DENND1A: variants seen among roughly 807,000 people sequenced by gnomAD.
DENND1A encodes the protein DENN domain-containing protein 1A.
DENND1A carries 51 observed loss-of-function variants against 113.7 expected under a neutral mutation model. The ratio of observed to expected loss-of-function variants is 0.45; its 90% CI spans 0.36 to 0.57. The LOEUF (loss-of-function observed/expected upper bound fraction) is 0.57. Ranked by LOEUF, DENND1A falls within the 20% of genes least tolerant of loss-of-function variation. The pLI, the probability that DENND1A is intolerant of heterozygous loss-of-function variation, is 0.00. For synonymous variants in DENND1A, 565 were observed against 570.8 expected (o/e 0.99, Z 0.14); for missense variants, 1,258 against 1,395.9 (o/e 0.90, Z 1.57).
intron 19 of DENND1A, among the ~76,000 whole-genome samples, chr9:123,436,648 C>T (rs1588519378): frequency 6.6e-6 from 1 of 152,330 alleles, no homozygotes; most frequent in East Asian, 1.9e-4. Flanking sequence ...GAGGCAGAGG[C>T]TAACTAGAAA....
At chr9:123,616,792 C>A (rs1426027234) in intron 10 of DENND1A, among the ~76,000 whole-genome samples, 1 of 152,196 alleles carries the variant, frequency 6.6e-6, no homozygotes, top group Non-Finnish European at 1.5e-5. Flanking sequence ...TTTCCACAGG[C>A]CGGTTAGTCA....
At position 123,563,802 on chromosome 9, in the gene DENND1A, C is replaced by T. The variant is rs138249397; in HGVS notation, c.868-6107G>A. ...TTTAAGGCCTGTTATGGGCTTGGCT[C>T]AAGCTCCATTTGCACCTTTGTCTTC... On this transcript the variant is annotated intron_variant, in intron 12 of 23. Transcript: ENST00000394215. Among the ~76,000 whole-genome samples, 480 of 152,246 alleles carry T rather than the reference C, an allele frequency of 3.2e-3. 3 individuals are homozygous for T. Among genetic ancestry groups the T allele is most frequent in the Middle Eastern group, 0.031 (9 of 294 alleles).
At chr9:123,598,049 A>G (rs4836937) in intron 11 of DENND1A, among the ~76,000 whole-genome samples, 65,674 of 151,914 alleles carry the variant, frequency 0.43, 14,753 homozygotes, top group African/African-American at 0.55. Context: ...AGACAGATAC[A>G]GTTAAGGGAG....
intron 2 of DENND1A, among the ~76,000 whole-genome samples, chr9:123,819,783 C>T (rs1838165593): frequency 6.6e-6 from 1 of 152,166 alleles, no homozygotes; most frequent in African/African-American, 2.4e-5. Flanking sequence ...GGTGATCAGC[C>T]AGCCTCGGAT....
intron 5 of DENND1A, among the ~76,000 whole-genome samples, chr9:123,755,309 CT>C (rs1237385687): frequency 1.3e-3 from 183 of 143,038 alleles, no homozygotes; most frequent in East Asian, 2.0e-3. Context: ...TTCTTTCTTT[CT>C]TTTTTTTTTT....
Position 123,381,345 on chromosome 9 carries a change from C to CAG in DENND1A, c.*85_*86dup, listed in dbSNP as rs747011867. 6.7e-6 allele frequency: 9 copies of CAG among 1,342,968 alleles called. No individual in the cohort carries two copies. The highest frequency in any genetic ancestry group is 4.0e-5 in the South Asian group (3 of 75,616). 83.2% of individuals were successfully genotyped at this position (1,342,968 alleles called of 1,614,324 possible). Reference sequence around the variant, plus strand: ...TCCCTTCCCACCAGCAGAACCTGGGCAGAGAGAGAGTGGCGGGGGAGCCTC... The same window carrying CAG: ...TCCCTTCCCACCAGCAGAACCTGGGCAGAGAGAGAGAGTGGCGGGGGAGCCTC... On this transcript the variant is annotated 3_prime_UTR_variant, in exon 24 of 24. Coordinates refer to ENST00000394215, the MANE Select transcript of DENND1A (RefSeq NM_001352964.2). This position sits in a 1 kb window ranked among gnomAD's most constrained non-coding sequence, Gnocchi z 4.7.
At chr9:123,906,096 C>T (rs1852765842) in intron 1 of DENND1A, among the ~76,000 whole-genome samples, 1 of 152,048 alleles carries the variant, frequency 6.6e-6, no homozygotes, top group Non-Finnish European at 1.5e-5. Context: ...ACAACCTGCT[C>T]CTGAATGACT....
At chr9:123,648,646 G>A (rs556040056) in intron 9 of DENND1A, among the ~76,000 whole-genome samples, 4 of 152,134 alleles carry the variant, frequency 2.6e-5, no homozygotes, top group African/African-American at 7.2e-5. Flanking sequence ...AAAAGTTCAC[G>A]ATTTTAATAT....
At chr9:123,756,345 C>CA (rs2070545737) in intron 5 of DENND1A, among the ~76,000 whole-genome samples, 1 of 152,122 alleles carries the variant, frequency 6.6e-6, no homozygotes, top group Non-Finnish European at 1.5e-5. Context: ...TGAAATATAA[C>CA]AGACAAAACT....
At chr9:123,494,925 G>T (rs1017211708) in intron 13 of DENND1A, among the ~76,000 whole-genome samples, 1 of 152,192 alleles carries the variant, frequency 6.6e-6, no homozygotes, top group Admixed American at 6.5e-5. Context: ...CTGAGTAGCT[G>T]GAATTACAGG....
chr9:123,489,360 C>G (rs2051167221), intron 13 of DENND1A, among the ~76,000 whole-genome samples: 1 of 152,210 alleles, frequency 6.6e-6, no homozygotes, highest in Non-Finnish European at 1.5e-5. Context: ...TGAATCCTGG[C>G]ACTGAGTAGA....
chr9:123,653,899 T>TAA (rs113463548), intron 8 of DENND1A, among the ~76,000 whole-genome samples: 189 of 137,532 alleles, frequency 1.4e-3, no homozygotes, highest in African/African-American at 3.6e-3. Context: ...AGATGAGAAA[T>TAA]AAAAAAAAAA....
At position 123,766,622 on chromosome 9, in the gene DENND1A, G is replaced by C. The variant is rs1828860281; in HGVS notation, c.182+2892C>G. 6.6e-5 allele frequency among the ~76,000 whole-genome samples: 10 copies of C among 152,118 alleles called. 1 individual carries two copies. Among genetic ancestry groups the C allele is most frequent in the Admixed American group, 5.9e-4 (9 of 15,266 alleles). On this transcript the variant is annotated intron_variant, in intron 4 of 23. Coordinates refer to ENST00000394215, the MANE Select transcript of DENND1A (RefSeq NM_001352964.2). ...TGGTCTACTGAAACGTATTTGTCTG[G>C]GAGATGGAAATCTAGGTTGTGCTCA...
At chr9:123,438,907 GTT>G (rs1046071506) in intron 19 of DENND1A, among the ~76,000 whole-genome samples, 1 of 152,230 alleles carries the variant, frequency 6.6e-6, no homozygotes, top group Admixed American at 6.5e-5. Flanking sequence ...AAAATGGAAT[GTT>G]TAACACCATG....
At chr9:123,640,598 G>A (rs1043985291) in intron 9 of DENND1A, among the ~76,000 whole-genome samples, 1 of 152,182 alleles carries the variant, frequency 6.6e-6, no homozygotes, top group African/African-American at 2.4e-5. Context: ...GATCTTTATC[G>A]CTCTCCTTGT....
chr9:123,491,497 C>T (rs950957113), intron 13 of DENND1A, among the ~76,000 whole-genome samples: 10 of 152,148 alleles, frequency 6.6e-5, no homozygotes, highest in Non-Finnish European at 1.3e-4. Context: ...CAGCTGCTGC[C>T]TTCAAGGAGC....
intron 8 of DENND1A, among the ~76,000 whole-genome samples, chr9:123,656,845 G>A (rs1028338733): frequency 6.6e-6 from 1 of 152,210 alleles, no homozygotes; most frequent in Non-Finnish European, 1.5e-5. Flanking sequence ...CTAGTTCCCA[G>A]TTTCTGTGCT....
chr9:123,676,619 C>A, intron 6 of DENND1A, 101 bp downstream of exon 6: 2 of 1,060,472 alleles, frequency 1.9e-6, no homozygotes, highest in Non-Finnish European at 2.7e-6. Flanking sequence ...CTATAATGGG[C>A]ATGCATCACT....
rs377511964 is a variant in DENND1A at position 123,530,464 on chromosome 9, C to T, written c.993+27106G>A. ...ATACCCAGATAAACTATCCTTCAGG[C>T]GTCATAGCAAAATAAAGACATTTTA... On this transcript the variant is annotated intron_variant, in intron 13 of 23. Coordinates refer to ENST00000394215, the MANE Select transcript of DENND1A (RefSeq NM_001352964.2). Among the ~76,000 whole-genome samples the T allele has an allele frequency of 1.1e-4, 17 of 152,154 alleles. 1 individual carries two copies. The highest frequency in any genetic ancestry group is 7.2e-4 in the Admixed American group (11 of 15,288).
Sources: allele counts gnomAD v4.1 joint callset (sites outside exome capture counted in the v4.1 genomes callset), GRCh38; gene constraint gnomAD v4.1.1; non-coding constraint Gnocchi (gnomAD v3.1); transcripts MANE v1.5; gene names NCBI Gene and HGNC (gene_info 2026-07-23, HGNC 2026-07-21).